The following GRM8 variants were observed in gnomAD, a reference collection of about 807,000 sequenced individuals.
GRM8 encodes metabotropic glutamate receptor 8.
In GRM8, 47 loss-of-function variants were observed where a neutral mutation model predicts 87.2. The observed-to-expected ratio is 0.54, with a 90% confidence interval of 0.43 to 0.69. The LOEUF is 0.69. GRM8 is among the 30% of genes least tolerant of loss of function. The pLI is 0.00. For missense variants in GRM8, 1,019 were observed against 1,139.2 expected (o/e 0.89, Z 1.52); for synonymous variants, 396 against 404.5 (o/e 0.98, Z 0.25).
chr7:127,119,180 G>A (rs149644964), intron 2 of GRM8, among the ~76,000 whole-genome samples: 29 of 152,140 alleles, frequency 1.9e-4, no homozygotes, highest in African/African-American at 7.0e-4. Flanking sequence ...CAGGCGATGG[G>A]GAGCAGAGGC....
chr7:126,852,140 G>A (rs552482177), intron 6 of GRM8, among the ~76,000 whole-genome samples: 8 of 152,176 alleles, frequency 5.3e-5, no homozygotes, highest in East Asian at 1.9e-4. Context: ...TCTACCTGTC[G>A]TGTATGCTCA....
intron 3 of GRM8, among the ~76,000 whole-genome samples, chr7:126,947,036 G>A (rs1234710473): frequency 6.6e-6 from 1 of 152,172 alleles, no homozygotes; most frequent in African/African-American, 2.4e-5. Context: ...CATGAAGCTG[G>A]AGCCCCACTA....
In GRM8 at chr7:126,979,810, G is replaced by A. The variant is rs149006929; in HGVS notation, c.728-75127C>T. Among the ~76,000 whole-genome samples the A allele has an allele frequency of 4.0e-3, 612 of 152,318 alleles. 6 individuals are homozygous for A. The highest frequency in any genetic ancestry group is 0.014 in the African/African-American group (583 of 41,568). ...AGGATTAATAAAACCAGCCCCAGCA[G>A]TGAATCCGTTATTTCCTTCCCAAGT... On this transcript the variant is annotated intron_variant, in intron 3 of 10. Transcript: ENST00000339582.
chr7:127,000,697 A>T (rs1317466074), intron 3 of GRM8, among the ~76,000 whole-genome samples: 1 of 151,658 alleles, frequency 6.6e-6, no homozygotes. Context: ...TAGATTACAG[A>T]TTACCAGGGG....
At chr7:126,820,873 GGC>G (rs1359330800) in intron 6 of GRM8, among the ~76,000 whole-genome samples, 1 of 152,214 alleles carries the variant, frequency 6.6e-6, no homozygotes, top group Admixed American at 6.5e-5. Context: ...GGCCAAGGTG[GGC>G]GGATCGCTTG....
At chr7:126,464,854 T>C (rs1368257134) in intron 9 of GRM8, among the ~76,000 whole-genome samples, 2 of 151,782 alleles carry the variant, frequency 1.3e-5, no homozygotes, top group Non-Finnish European at 1.5e-5. Context: ...GTATTGTCTA[T>C]GTCTTGAAAA....
At chr7:127,002,276 A>G (rs1407805085) in intron 3 of GRM8, among the ~76,000 whole-genome samples, 1 of 151,684 alleles carries the variant, frequency 6.6e-6, no homozygotes, top group Non-Finnish European at 1.5e-5. Context: ...AGGCTGTGAC[A>G]GAGTGCATCA....
intron 7 of GRM8, among the ~76,000 whole-genome samples, chr7:126,666,471 A>G (rs1424810073): frequency 6.6e-6 from 1 of 152,182 alleles, no homozygotes; most frequent in Non-Finnish European, 1.5e-5. Context: ...ATGAGATGAA[A>G]GAAAGAACGT....
rs184441941 is a variant in GRM8, at chr7:126,582,382, G to A, written c.1494+26980C>T. The stretch of plus-strand genomic sequence containing the variant: ...TGAAGAAGCTGCATAAGAAAAGCTC[G>A]AAGACAGCAGAGGTTTGTTCATGAG... On this transcript the variant is annotated intron_variant, in intron 8 of 10. Coordinates refer to ENST00000339582, the MANE Select transcript of GRM8 (RefSeq NM_000845.3). Among the ~76,000 whole-genome samples the A allele has an allele frequency of 2.2e-3, 341 of 152,214 alleles. 2 individuals are homozygous for A. The highest frequency in any genetic ancestry group is 2.0e-3 in the Non-Finnish European group (139 of 68,002).
intron 3 of GRM8, among the ~76,000 whole-genome samples, chr7:127,093,999 A>C (rs1824405097): frequency 1.3e-5 from 2 of 152,238 alleles, no homozygotes; most frequent in Admixed American, 1.3e-4. Context: ...ATTTTCAAGG[A>C]AACTATATTT....
At chr7:126,694,172 T>C (rs1489612879) in intron 7 of GRM8, among the ~76,000 whole-genome samples, 1 of 152,070 alleles carries the variant, frequency 6.6e-6, no homozygotes, top group Non-Finnish European at 1.5e-5. Flanking sequence ...TATTTCCCTA[T>C]GTGATTCTGA....
chr7:126,519,747 G>A (rs1812699627), intron 9 of GRM8, among the ~76,000 whole-genome samples: 1 of 152,116 alleles, frequency 6.6e-6, no homozygotes, highest in African/African-American at 2.4e-5. Context: ...CAAAAATCTG[G>A]AAGTCACTTT....
intron 6 of GRM8, among the ~76,000 whole-genome samples, chr7:126,843,542 C>T (rs1796458974): frequency 6.6e-6 from 1 of 152,240 alleles, no homozygotes; most frequent in African/African-American, 2.4e-5. Context: ...TACAGCTGAA[C>T]ACCCACCAGC....
intron 7 of GRM8, among the ~76,000 whole-genome samples, chr7:126,723,166 T>C (rs1231710149): frequency 6.6e-6 from 1 of 151,842 alleles, no homozygotes; most frequent in Non-Finnish European, 1.5e-5. Context: ...CGCCCCTTTC[T>C]CTGCCTCTTC....
intron 3 of GRM8, among the ~76,000 whole-genome samples, chr7:127,029,112 G>T (rs968107977): frequency 3.9e-5 from 6 of 152,168 alleles, no homozygotes; most frequent in Non-Finnish European, 7.3e-5. Context: ...TTATTCAGGA[G>T]CAGATTGTTC....
At chr7:126,479,670 T>C (rs1164417569) in intron 9 of GRM8, among the ~76,000 whole-genome samples, 2 of 152,116 alleles carry the variant, frequency 1.3e-5, no homozygotes, top group Non-Finnish European at 2.9e-5. Context: ...TTTTAAATAA[T>C]GGTACTATGA....
At chr7:126,584,479 G>T (rs1351501331) in intron 8 of GRM8, among the ~76,000 whole-genome samples, 1 of 152,126 alleles carries the variant, frequency 6.6e-6, no homozygotes, top group African/African-American at 2.4e-5. Flanking sequence ...GCCTATAAAT[G>T]TTTGTTGACC....
chr7:126,688,028 C>A (rs912065707), intron 7 of GRM8, among the ~76,000 whole-genome samples: 2 of 152,012 alleles, frequency 1.3e-5, no homozygotes, highest in African/African-American at 4.8e-5. Flanking sequence ...CATTCTAGAC[C>A]ATATACAAGC....
chr7:127,229,428 C>T (rs1362613955), intron 2 of GRM8: 1 of 152,136 alleles, frequency 6.6e-6, no homozygotes. Context: ...TTAATTTATA[C>T]ACCAGCAAAA....
Sources: gnomAD v4.1 joint callset for allele counts (sites outside exome capture counted in the v4.1 genomes callset) on GRCh38, gnomAD v4.1.1 for gene constraint, MANE v1.5 for transcripts, NCBI Gene and HGNC (gene_info 2026-07-23, HGNC 2026-07-21) for gene names.